The following CHL1 variants were observed in gnomAD, a reference collection of about 807,000 sequenced individuals.
CHL1 encodes cell adhesion molecule L1 like, also known as neural cell adhesion molecule L1-like protein.
In CHL1, 96 loss-of-function variants were observed where a neutral mutation model predicts 141.9. The ratio of observed to expected loss-of-function variants is 0.68; its 90% CI spans 0.57 to 0.80. The LOEUF is 0.80. Among genes scored for constraint, CHL1 ranks in the 30% least tolerant of loss-of-function variants. The probability of loss-of-function intolerance (pLI) is 0.00; values close to 1 mark genes in which losing one functional copy is unlikely to be tolerated. For missense variants in CHL1, 1,820 were observed against 1,457.2 expected, an observed-to-expected ratio of 1.25 and a Z score of -4.05; for synonymous variants, 613 against 502.2, an observed-to-expected ratio of 1.22 and a Z score of -2.95.
rs1575139090 is a variant in CHL1 at position 351,618 on chromosome 3, T to A, written c.1033+2075T>A. ...AATAAGGATTTGCCATGTGAGAAAA[T>A]AGCAATGCTATTGTATATTTTGAAA... On this transcript the variant is annotated intron_variant, in intron 10 of 27. Coordinates refer to ENST00000256509, the MANE Select transcript of CHL1 (RefSeq NM_006614.4). Among the ~76,000 whole-genome samples, 5 of 152,250 alleles carry A rather than the reference T, an allele frequency of 3.3e-5. No homozygotes were observed. In the South Asian group the frequency reaches 1.0e-3, roughly 32 times the overall value.
At chr3:241,366 T>A (rs558431978) in intron 1 of CHL1, among the ~76,000 whole-genome samples, 1 of 152,160 alleles carries the variant, frequency 6.6e-6, no homozygotes, top group African/African-American at 2.4e-5. Flanking sequence ...GTAGAGGGTA[T>A]GTTGTGTGAA....
intron 1 of CHL1, among the ~76,000 whole-genome samples, chr3:212,589 A>C (rs1699988730): frequency 1.3e-5 from 2 of 152,186 alleles, no homozygotes; most frequent in African/African-American, 4.8e-5. Context: ...TGTCACTTTG[A>C]CCATGATGTC....
Position 255,509 on chromosome 3 carries a change from G to T in CHL1, c.-95+10817G>T, listed in dbSNP as rs555640010. On this transcript the variant is annotated intron_variant, in intron 2 of 27. Coordinates refer to ENST00000256509, the MANE Select transcript of CHL1 (RefSeq NM_006614.4). ...TTTTGGTGTCTTTGTATGTGTGTGT[G>T]TGTGTATACATACATACACACTAAA... 7.6e-4 allele frequency among the ~76,000 whole-genome samples: 110 copies of T among 145,020 alleles called. 1 individual carries two copies. The highest frequency in any genetic ancestry group is 2.6e-3 in the African/African-American group (105 of 39,750).
intron 19 of CHL1, among the ~76,000 whole-genome samples, chr3:386,102 C>T (rs1446653845): frequency 6.6e-6 from 1 of 151,220 alleles, no homozygotes; most frequent in Non-Finnish European, 1.5e-5. Flanking sequence ...CAGGTTTTTC[C>T]CAGTTTCACA....
chr3:197,673 C>T, intron 1 of CHL1: 1 of 394,858 alleles, frequency 2.5e-6, no homozygotes, highest in South Asian at 1.8e-5. Context: ...GCGGGGAATC[C>T]ATGGACCGTG....
At chr3:369,233 G>A (rs1021812170) in intron 15 of CHL1, among the ~76,000 whole-genome samples, 1 of 94,686 alleles carries the variant, frequency 1.1e-5, no homozygotes, top group African/African-American at 2.8e-5. Context: ...CATGAGGATG[G>A]GATTTTTTTT....
intron 2 of CHL1, among the ~76,000 whole-genome samples, chr3:291,149 T>C (rs1388363099): frequency 6.6e-6 from 1 of 151,948 alleles, no homozygotes; most frequent in African/African-American, 2.4e-5. Flanking sequence ...AGTAGTGAAC[T>C]AGTATCTCTT....
chr3:322,904 A>G (rs948006857), intron 3 of CHL1, among the ~76,000 whole-genome samples: 2 of 151,690 alleles, frequency 1.3e-5, no homozygotes, highest in South Asian at 4.1e-4. Context: ...AAAGCAAAAC[A>G]AAAACAGTTT....
intron 6 of CHL1, 85 bp from the exon 7 acceptor site, chr3:341,827 T>G: frequency 8.7e-7 from 1 of 1,145,044 alleles, no homozygotes; most frequent in East Asian, 2.7e-5. Context: ...CCAAATGAAA[T>G]AATAATGTAA....
chr3:394,214 C>T (rs185858209), intron 23 of CHL1, among the ~76,000 whole-genome samples: 1 of 152,094 alleles, frequency 6.6e-6, no homozygotes, highest in African/African-American at 2.4e-5. Context: ...TACTGAGTAG[C>T]TATTTGGTGC....
chr3:216,061 A>T (rs1209691216), intron 1 of CHL1, among the ~76,000 whole-genome samples: 3 of 149,886 alleles, frequency 2.0e-5, no homozygotes, highest in Non-Finnish European at 2.9e-5. Context: ...TAAATATAAG[A>T]AAATGTGATA....
intron 26 of CHL1, among the ~76,000 whole-genome samples, chr3:400,702 T>C (rs927147215): frequency 1.3e-5 from 2 of 151,316 alleles, no homozygotes; most frequent in Non-Finnish European, 2.9e-5. Context: ...CTCGGGAGGC[T>C]GAGGCAGGAG....
chr3:289,989 C>T (rs973727120), intron 2 of CHL1, among the ~76,000 whole-genome samples: 4 of 131,440 alleles, frequency 3.0e-5, no homozygotes, highest in African/African-American at 9.3e-5. Flanking sequence ...GGGTGGAGTG[C>T]AGTATACTCA....
At chr3:269,757 C>T (rs1017123271) in intron 2 of CHL1, among the ~76,000 whole-genome samples, 6 of 152,278 alleles carry the variant, frequency 3.9e-5, no homozygotes, top group African/African-American at 1.4e-4. Context: ...AACTTCTGAC[C>T]TCAAGTGATC....
intron 1 of CHL1, among the ~76,000 whole-genome samples, chr3:235,898 G>T (rs191830228): frequency 3.3e-5 from 5 of 152,286 alleles, no homozygotes; most frequent in African/African-American, 1.2e-4. Flanking sequence ...TCCAAGGTGG[G>T]AAACAGAGGA....
At chr3:298,653 A>C (rs925485540) in intron 2 of CHL1, among the ~76,000 whole-genome samples, 1 of 152,158 alleles carries the variant, frequency 6.6e-6, no homozygotes, top group African/African-American at 2.4e-5. Context: ...TCTCTCATTC[A>C]TGAGTCAAAT....
chr3:229,116 C>A (rs1436966386), intron 1 of CHL1, among the ~76,000 whole-genome samples: 1 of 152,124 alleles, frequency 6.6e-6, no homozygotes, highest in Non-Finnish European at 1.5e-5. Context: ...TTTGCATTAG[C>A]CCCATGTGTT....
chr3:275,350 C>T (rs190211639), intron 2 of CHL1, among the ~76,000 whole-genome samples: 48 of 152,320 alleles, frequency 3.2e-4, no homozygotes, highest in African/African-American at 8.9e-4. Flanking sequence ...AAAGAAACCA[C>T]TCATTTGCAG....
chr3:209,632 G>A (rs1414764012), intron 1 of CHL1, among the ~76,000 whole-genome samples: 1 of 152,090 alleles, frequency 6.6e-6, no homozygotes, highest in Non-Finnish European at 1.5e-5. Context: ...TGTTACATAT[G>A]TATACATGTG....
Sources: allele counts gnomAD v4.1 joint callset (sites outside exome capture counted in the v4.1 genomes callset), GRCh38; gene constraint gnomAD v4.1.1; transcripts MANE v1.5; gene names NCBI Gene and HGNC (gene_info 2026-07-23, HGNC 2026-07-21).